The following SYT7 variants were observed in gnomAD, a reference collection of about 807,000 sequenced individuals.
The protein encoded by SYT7 is synaptotagmin 7.
In SYT7, 29 loss-of-function variants were observed where a neutral mutation model predicts 75.1. The ratio of observed to expected loss-of-function variants is 0.39; its 90% CI spans 0.29 to 0.53. The LOEUF is 0.53. Ranked by LOEUF, SYT7 falls within the 20% of genes least tolerant of loss-of-function variation. The pLI is 0.77. For missense variants in SYT7, 693 were observed against 953.2 expected, an observed-to-expected ratio of 0.73 and a Z score of 3.59; for synonymous variants, 376 against 401.7, an observed-to-expected ratio of 0.94 and a Z score of 0.76.
At chr11:61,569,030 A>G (rs2063849977) in intron 1 of SYT7, among the ~76,000 whole-genome samples, 1 of 152,072 alleles carries the variant, frequency 6.6e-6, no homozygotes, top group Non-Finnish European at 1.5e-5. Context: ...TGCTGGGGAC[A>G]AGCCAGGCAG....
At chr11:61,574,940 G>T (rs914083416) in intron 1 of SYT7, among the ~76,000 whole-genome samples, 2 of 152,070 alleles carry the variant, frequency 1.3e-5, no homozygotes, top group Non-Finnish European at 2.9e-5. Context: ...CTCCCCTCGT[G>T]CAGAGCCTCA....
intron 1 of SYT7, among the ~76,000 whole-genome samples, chr11:61,578,863 C>T (rs2064157369): frequency 6.6e-6 from 1 of 152,184 alleles, no homozygotes; most frequent in Non-Finnish European, 1.5e-5. Flanking sequence ...CCCGCAGCTG[C>T]AACTGGGGTG....
At chr11:61,538,329 GGGGGAA>G in intron 6 of SYT7, 63 bp from the exon 7 acceptor site, 2 of 1,380,924 alleles carry the variant, frequency 1.4e-6, no homozygotes, top group Non-Finnish European at 2.0e-6. Flanking sequence ...GCGGGGGCAG[GGGGGAA>G]GGAGAGAGAG....
chr11:61,524,575 G>A lies in SYT7; in HGVS notation c.1472-43C>T, dbSNP rs202086763. ...TGTGAGTGAAGAGGGGGACAGAGGGGCTGCACGGGGCCCGGGAGGCAAGGA... is the reference window on the plus strand; with the variant it reads ...TGTGAGTGAAGAGGGGGACAGAGGGACTGCACGGGGCCCGGGAGGCAAGGA... On this transcript the variant is annotated intron_variant, in intron 9 of 12. Coordinates refer to ENST00000539008, the MANE Select transcript of SYT7 (RefSeq NM_001365809.2). This position sits in a 1 kb window ranked among gnomAD's most constrained non-coding sequence, Gnocchi z 4.1. The A allele has an allele frequency of 1.6e-3, 2,386 of 1,525,756 alleles. 2 individuals are homozygous for A. The highest frequency in any genetic ancestry group is 1.8e-3 in the Non-Finnish European group (2,078 of 1,133,386). The allele number at this position is 1,525,756 out of a possible 1,614,324, so 94.5% of individuals were successfully genotyped here.
At chr11:61,532,416 A>G (rs925819989) in intron 8 of SYT7, among the ~76,000 whole-genome samples, 1 of 152,164 alleles carries the variant, frequency 6.6e-6, no homozygotes, top group Middle Eastern at 3.2e-3. Flanking sequence ...GGTTGGTGGC[A>G]TCTGGTGGGG....
In SYT7 at chr11:61,532,986, C is replaced by T. The variant is rs533326077; in HGVS notation, c.1200+3G>A. The T allele has an allele frequency of 6.2e-7, 1 of 1,613,122 alleles. No homozygotes were observed. The highest frequency in any genetic ancestry group is 1.1e-5 in the South Asian group (1 of 91,084). On this transcript the variant is annotated splice_donor_region_variant and intron_variant, in intron 8 of 12. Transcript: ENST00000539008. ...GGAGCAGCGCAGGCTCCCTCATTCT[C>T]ACCATGAGCATCTCGCTGGTGAGGG...
intron 6 of SYT7, 123 bp from the exon 7 acceptor site, chr11:61,538,389 A>AGAGAAAG (rs1199334439): frequency 1.5e-5 from 4 of 267,878 alleles, no homozygotes; most frequent in African/African-American, 3.5e-5. Context: ...GAGAGAGAGA[A>AGAGAAAG]AGAGAGAGAG....
At chr11:61,574,117 A>C (rs2135441331) in intron 1 of SYT7, among the ~76,000 whole-genome samples, 1 of 152,338 alleles carries the variant, frequency 6.6e-6, no homozygotes, top group East Asian at 1.9e-4. Flanking sequence ...GAGGATCCAG[A>C]ACCCTCATCC....
chr11:61,519,466 G>A (rs1259539928), intron 12 of SYT7, among the ~76,000 whole-genome samples: 1 of 152,220 alleles, frequency 6.6e-6, no homozygotes, highest in Non-Finnish European at 1.5e-5. Context: ...AGGACACCCG[G>A]CCAGTATTCC....
rs2062422926 is a variant in SYT7, at chr11:61,523,781, C to T, written c.1756+46G>A. 1 of 1,580,882 alleles carries T rather than the reference C, an allele frequency of 6.3e-7. No homozygotes were observed. Among genetic ancestry groups the T allele is most frequent in the African/African-American group, 1.3e-5 (1 of 74,308 alleles). On this transcript the variant is annotated intron_variant, in intron 11 of 12. Coordinates refer to ENST00000539008, the MANE Select transcript of SYT7 (RefSeq NM_001365809.2). This position sits in a 1 kb window ranked among gnomAD's most constrained non-coding sequence, Gnocchi z 5.0. Reference sequence around the variant, plus strand: ...ACATCCGGTGTAAACCTTGTGTCACCAGCACCTCCCCGGCCCGCCCATCCT... The same window carrying T: ...ACATCCGGTGTAAACCTTGTGTCACTAGCACCTCCCCGGCCCGCCCATCCT...
chr11:61,554,067 T>C (rs1470891268), intron 2 of SYT7, among the ~76,000 whole-genome samples: 1 of 151,754 alleles, frequency 6.6e-6, no homozygotes, highest in Non-Finnish European at 1.5e-5. Context: ...CCTGGGAGGG[T>C]TCCTGGCTGG....
At position 61,524,084 on chromosome 11, in the gene SYT7, C is replaced by G. The variant is rs937236079; in HGVS notation, c.1642-143G>C. The G allele has an allele frequency of 2.4e-6, 2 of 818,208 alleles. No individual in the cohort carries two copies. The highest frequency in any genetic ancestry group is 2.0e-6 in the Non-Finnish European group (1 of 507,472). The allele number at this position is 818,208 out of a possible 1,614,324, so 50.7% of individuals were successfully genotyped here. A position where few individuals can be genotyped will look rare whatever the true frequency, so the allele number is the denominator to read the frequency against. Reference sequence around the variant, plus strand: ...CACCTCTGTCTCACTCTGTCTCCCCCCATCTGGCAGGTGTGTGTACTGCCC... The same window carrying G: ...CACCTCTGTCTCACTCTGTCTCCCCGCATCTGGCAGGTGTGTGTACTGCCC... On this transcript the variant is annotated intron_variant, in intron 10 of 12. Transcript: ENST00000539008. This position sits in a 1 kb window ranked among gnomAD's most constrained non-coding sequence, Gnocchi z 4.1.
chr11:61,513,907 C>T lies in SYT7; in HGVS notation c.*4720G>A, dbSNP rs1169302251. On this transcript the variant is annotated 3_prime_UTR_variant, in exon 13 of 13. Transcript: ENST00000539008. ...GGGGAGCCACGAGCTGGGGCATCGGCGTGCTCAAGGCTTGTCCTTCTGGTT... is the reference window on the plus strand; with the variant it reads ...GGGGAGCCACGAGCTGGGGCATCGGTGTGCTCAAGGCTTGTCCTTCTGGTT... Among the ~76,000 whole-genome samples, 12 of 152,288 alleles carry T rather than the reference C, an allele frequency of 7.9e-5. No individual in the cohort carries two copies. Among genetic ancestry groups the T allele is most frequent in the African/African-American group, 1.4e-4 (6 of 41,560 alleles).
At position 61,542,852 on chromosome 11, in the gene SYT7, G is replaced by A. The variant is rs2063087213; in HGVS notation, c.573-273C>T. On this transcript the variant is annotated intron_variant, in intron 5 of 12. Coordinates refer to ENST00000539008, the MANE Select transcript of SYT7 (RefSeq NM_001365809.2). This position sits in a 1 kb window ranked among gnomAD's most constrained non-coding sequence, Gnocchi z 7.8. ...TCAGCTAGTGCCAGAATACCTCCTG[G>A]CTAGGCCGACCTCCCTGCCGGTCTG... 6.6e-6 allele frequency among the ~76,000 whole-genome samples: 1 copy of A among 152,222 alleles called. No homozygotes were observed. The highest frequency in any genetic ancestry group is 6.5e-5 in the Admixed American group (1 of 15,290).
At chr11:61,560,217 A>G (rs2063601714) in intron 1 of SYT7, among the ~76,000 whole-genome samples, 1 of 152,134 alleles carries the variant, frequency 6.6e-6, no homozygotes, top group Non-Finnish European at 1.5e-5. Flanking sequence ...TTGACATCAC[A>G]CCAACTAGAG....
chr11:61,561,717 G>A (rs2063640228), intron 1 of SYT7, among the ~76,000 whole-genome samples: 2 of 152,010 alleles, frequency 1.3e-5, no homozygotes, highest in Non-Finnish European at 2.9e-5. Context: ...AGGCCTCCAG[G>A]AACAAAGATA....
At chr11:61,532,849 G>C in intron 8 of SYT7, 140 bp downstream of exon 8, 1 of 1,283,398 alleles carries the variant, frequency 7.8e-7, no homozygotes, top group Non-Finnish European at 1.0e-6. Context: ...TGCTGGGCCT[G>C]GCTCTCCAGG....
chr11:61,524,366 C>G lies in SYT7; in HGVS notation c.1638G>C (p.Gly546=). The G allele has an allele frequency of 6.2e-7, 1 of 1,614,078 alleles. No individual in the cohort carries two copies. The highest frequency in any genetic ancestry group is 1.1e-5 in the South Asian group (1 of 91,072). The part of the protein sequence containing the change: ...FWKDLKPCSD[G]SGSRGELLLS... ...AGACCCACCCATGGGGCCTTACACT[C>G]CCATCGCTGCATGGCTTCAGATCCT... The change falls in exon 10 of 13, where the codon GGG becomes GGC. Residue 546 remains glycine (G), a synonymous_variant. Transcript: ENST00000539008. This position sits in a 1 kb window ranked among gnomAD's most constrained non-coding sequence, Gnocchi z 4.1.
intron 9 of SYT7, chr11:61,526,150 G>A (rs1362800846): frequency 6.6e-6 from 1 of 152,220 alleles, no homozygotes; most frequent in Admixed American, 6.5e-5. Context: ...AAGCACCGAG[G>A]AGCTCTGACA....
Sources: gnomAD v4.1 joint callset for allele counts (sites outside exome capture counted in the v4.1 genomes callset) on GRCh38, gnomAD v4.1.1 for gene constraint, Gnocchi (gnomAD v3.1) non-coding constraint, MANE v1.5 for transcripts, NCBI Gene and HGNC (gene_info 2026-07-23, HGNC 2026-07-21) for gene names.